MKLN1: variants seen among roughly 807,000 people sequenced by gnomAD.
MKLN1 encodes the protein muskelin.
In MKLN1, 18 loss-of-function variants were observed where a neutral mutation model predicts 99.0. The ratio of observed to expected loss-of-function variants is 0.18; its 90% confidence interval spans 0.13 to 0.27. MKLN1 has a LOEUF of 0.27. Ranked by LOEUF, MKLN1 falls within the 10% of genes least tolerant of loss-of-function variation. MKLN1 has a pLI of 1.00. For missense variants in MKLN1, 621 were observed against 875.9 expected (o/e 0.71, Z 3.67); for synonymous variants, 288 against 293.2 (o/e 0.98, Z 0.18).
intron 1 of MKLN1, among the ~76,000 whole-genome samples, chr7:131,124,586 A>T (rs960986144): frequency 6.6e-6 from 1 of 152,150 alleles, no homozygotes; most frequent in Admixed American, 6.5e-5. Flanking sequence ...TAGGTCAGCC[A>T]TGGGGCCTCA....
chr7:131,375,449 G>T lies in MKLN1; in HGVS notation c.124G>T (p.Asp42Tyr). The change falls in exon 2 of 18, where the codon GAC (aspartate) becomes TAC (tyrosine). Residue 42 changes from aspartate to tyrosine, a missense_variant. Asp to Tyr is a radical substitution (Grantham distance 160, BLOSUM62 -3). Around this residue, in one of 8 missense-constraint regions of MKLN1, gnomAD observed 6 missense variants for 23.3 expected, o/e 0.26. Transcript: ENST00000352689. ...PENILVDKPN[D>Y]QSSRWSSESN... is the part of the protein sequence containing the mutation. ...GAACATTTTAGTGGACAAACCAAAT[G>T]ACCAATCTTCAAGATGGTCTTCAGA... The T allele has an allele frequency of 1.2e-6, 2 of 1,611,338 alleles. No individual in the cohort carries two copies. The highest frequency in any genetic ancestry group is 2.2e-5 in the South Asian group (2 of 90,960).
At chr7:131,323,121 CA>C (rs1798817242), upstream of MKLN1, among the ~76,000 whole-genome samples, 1 of 152,120 alleles carries the variant, frequency 6.6e-6, no homozygotes, top group Admixed American at 6.5e-5. Flanking sequence ...GTCTTATTCC[CA>C]TTCTGTTGTT....
chr7:131,241,398 G>GAA (rs67546678), intron 3 of MKLN1, among the ~76,000 whole-genome samples: 69 of 141,794 alleles, frequency 4.9e-4, no homozygotes, highest in South Asian at 8.9e-4. Context: ...AAAGAAAAAA[G>GAA]AAAAAAAAAA....
At chr7:131,295,440 A>T (rs1260178630) in intron 3 of MKLN1, among the ~76,000 whole-genome samples, 1 of 152,200 alleles carries the variant, frequency 6.6e-6, no homozygotes, top group Non-Finnish European at 1.5e-5. Flanking sequence ...ACACACCATG[A>T]ATAGAGCCAA....
intron 2 of MKLN1, among the ~76,000 whole-genome samples, chr7:131,201,715 G>T (rs1041127249): frequency 3.9e-5 from 6 of 152,124 alleles, no homozygotes; most frequent in African/African-American, 1.4e-4. Flanking sequence ...AATCATTTTG[G>T]CTACCACTGT....
intron 2 of MKLN1, among the ~76,000 whole-genome samples, chr7:131,378,237 G>A (rs1295621360): frequency 4.6e-5 from 7 of 152,000 alleles, no homozygotes; most frequent in African/African-American, 9.7e-5. Context: ...TCAGCCTCCC[G>A]AGTAGCTGGG....
intron 8 of MKLN1, among the ~76,000 whole-genome samples, chr7:131,415,720 CT>C (rs1329239040): frequency 1.3e-5 from 2 of 151,876 alleles, no homozygotes; most frequent in African/African-American, 2.4e-5. Flanking sequence ...TCTTAGGCAT[CT>C]TTTTTTCTGC....
chr7:131,454,060 C>CT (rs5887505), intron 12 of MKLN1, among the ~76,000 whole-genome samples: 54,238 of 139,406 alleles, frequency 0.39, 10,941 homozygotes, highest in East Asian at 0.48. Flanking sequence ...TTGGTACAGC[C>CT]TTTTTTTTTT....
chr7:131,459,530 A>G (rs1796451979), intron 12 of MKLN1, among the ~76,000 whole-genome samples: 1 of 152,188 alleles, frequency 6.6e-6, no homozygotes, highest in African/African-American at 2.4e-5. Flanking sequence ...GAGGCCTTCC[A>G]GTGTTCTTTA....
intron 2 of MKLN1, among the ~76,000 whole-genome samples, chr7:131,184,003 G>A (rs575093067): frequency 6.6e-6 from 1 of 151,856 alleles, no homozygotes; most frequent in East Asian, 1.9e-4. Context: ...GTTTGCAAAC[G>A]GAGTAAAGAA....
chr7:131,466,450 C>A (rs1562880706), intron 15 of MKLN1, 35 bp downstream of exon 15: 1 of 1,457,624 alleles, frequency 6.9e-7, no homozygotes, highest in Non-Finnish European at 9.3e-7. Context: ...ATTTAATTAA[C>A]ATTATCAGCT....
At chr7:131,445,265 A>G (rs1795976246) in intron 11 of MKLN1, among the ~76,000 whole-genome samples, 1 of 152,092 alleles carries the variant, frequency 6.6e-6, no homozygotes, top group Admixed American at 6.5e-5. Context: ...AAATAAAAGC[A>G]TATACATTGT....
chr7:131,344,207 A>G (rs1242160235), intron 1 of MKLN1, among the ~76,000 whole-genome samples: 2 of 152,166 alleles, frequency 1.3e-5, no homozygotes, highest in African/African-American at 2.4e-5. Flanking sequence ...TTCTTTGGGT[A>G]TTGCCTGAAA....
chr7:131,327,957 C>A lies in MKLN1; in HGVS notation c.58C>A (p.Leu20Ile). Residue 20 changes from leucine to isoleucine, a missense_variant, in exon 1 of 18, where the codon CTA becomes ATA. By Grantham distance (5) the Leu-to-Ile change is conservative. Transcript: ENST00000352689. The stretch of plus-strand genomic sequence containing the variant: ...CGAGTGCCGGCTTCTCCCCTACGCG[C>A]TACACAAGTGGAGCTCCTTTTCCTC... ...APECRLLPYALHKWSSFSSTY... is the reference protein window; with the variant it reads ...APECRLLPYAIHKWSSFSSTY... The A allele has an allele frequency of 1.2e-6, 2 of 1,613,894 alleles. No homozygotes were observed. Among genetic ancestry groups the A allele is most frequent in the South Asian group, 1.1e-5 (1 of 91,088 alleles).
chr7:131,380,305 G>C (rs1331526704), intron 2 of MKLN1, among the ~76,000 whole-genome samples: 2 of 151,968 alleles, frequency 1.3e-5, no homozygotes, highest in Non-Finnish European at 2.9e-5. Context: ...CAAAATAGAG[G>C]GATTTACAGA....
At chr7:131,316,791 A>G (rs966697591) in intron 3 of MKLN1, among the ~76,000 whole-genome samples, 1 of 152,300 alleles carries the variant, frequency 6.6e-6, no homozygotes, top group African/African-American at 2.4e-5. Flanking sequence ...AAAACACAGC[A>G]CAAGAACTTC....
intron 3 of MKLN1, among the ~76,000 whole-genome samples, chr7:131,243,950 G>A (rs534670504): frequency 1.3e-5 from 2 of 152,266 alleles, no homozygotes; most frequent in Non-Finnish European, 2.9e-5. Context: ...GGAGGCAGAG[G>A]TTGAAGTGAG....
intron 2 of MKLN1, among the ~76,000 whole-genome samples, chr7:131,157,132 C>T (rs1338032750): frequency 6.6e-6 from 1 of 152,210 alleles, no homozygotes; most frequent in African/African-American, 2.4e-5. Flanking sequence ...GTAATCCCAG[C>T]ACTTTGGGAT....
chr7:131,246,742 A>G (rs1384294489), intron 3 of MKLN1, among the ~76,000 whole-genome samples: 1 of 151,648 alleles, frequency 6.6e-6, no homozygotes, highest in Non-Finnish European at 1.5e-5. Flanking sequence ...TCAGCCTCCC[A>G]AAGTGCTGGG....
Sources: allele counts gnomAD v4.1 joint callset (sites outside exome capture counted in the v4.1 genomes callset), GRCh38; gene constraint gnomAD v4.1.1; regional missense constraint gnomAD v4.1.1; transcripts MANE v1.5; gene names NCBI Gene and HGNC (gene_info 2026-07-23, HGNC 2026-07-21).